The following PUDP variants were observed in gnomAD, a reference collection of about 807,000 sequenced individuals.
The protein encoded by PUDP is pseudouridine 5'-phosphatase.
A neutral mutation model predicts 9.4 loss-of-function variants in PUDP; 8 were observed. That is an observed-to-expected ratio of 0.85 (90% CI 0.50 to 1.53). The LOEUF is 1.53. Ranked by LOEUF, PUDP falls within the 40% of genes most tolerant of loss-of-function variation. The pLI is 0.00. For missense variants in PUDP, 188 were observed against 189.7 expected, an observed-to-expected ratio of 0.99 and a Z score of 0.05; for synonymous variants, 99 against 80.7, an observed-to-expected ratio of 1.23 and a Z score of -1.22.
At chrX:6,751,677 T>C (rs1925087486) in intron 3 of PUDP, among the ~76,000 whole-genome samples, 1 of 111,650 alleles carries the variant, frequency 9.0e-6, no homozygotes, top group African/African-American at 3.3e-5. Context: ...GTCAGAAATA[T>C]AAAACTCATT....
At chrX:7,034,201 GC>G (rs774509934) in intron 1 of PUDP, among the ~76,000 whole-genome samples, 70 of 112,247 alleles carry the variant, frequency 6.2e-4, no homozygotes, top group East Asian at 4.2e-3. Flanking sequence ...CAGGGCACCA[GC>G]CCTACCTTGG....
chrX:7,111,944 G>C (rs770986463), intron 1 of PUDP, among the ~76,000 whole-genome samples: 35 of 109,292 alleles, frequency 3.2e-4, no homozygotes, highest in Non-Finnish European at 5.5e-4. Context: ...AGAGCAAACA[G>C]CTATTGAACT....
At chrX:7,123,164 TG>T (rs1391143561) in intron 1 of PUDP, among the ~76,000 whole-genome samples, 1 of 112,559 alleles carries the variant, frequency 8.9e-6, no homozygotes, top group Non-Finnish European at 1.9e-5. Flanking sequence ...TTTTGCCCCT[TG>T]GGAGATATTA....
chrX:6,817,236 C>A (rs1246188157), intron 3 of PUDP, among the ~76,000 whole-genome samples: 1 of 108,734 alleles, frequency 9.2e-6, no homozygotes, highest in Non-Finnish European at 1.9e-5. Flanking sequence ...GCCACCATGC[C>A]CAGATAATTT....
In PUDP at chrX:7,105,482, G is replaced by GC. The variant is rs1299403138; in HGVS notation, c.280+137dup. The GC allele has an allele frequency of 9.2e-6, 4 of 436,564 alleles. No individual in the cohort carries two copies. The African/African-American group carries it at 1.0e-4, about 11-fold the overall frequency. 36.0% of individuals were successfully genotyped at this position (436,564 alleles called of 1,213,427 possible). A position where few individuals can be genotyped will look rare whatever the true frequency, so the allele number is the denominator to read the frequency against. On this transcript the variant is annotated intron_variant, in intron 2 of 3. Transcript: ENST00000381077. ...CAGCATCAGCCAAACTCTTTCAGGA[G>GC]CACCAGGAGGGACTTAGTTTAGATA...
intron 1 of PUDP, among the ~76,000 whole-genome samples, chrX:7,016,494 T>TC (rs1929550756): frequency 9.0e-6 from 1 of 110,939 alleles, no homozygotes; most frequent in African/African-American, 3.3e-5. Flanking sequence ...TAAGATAAAG[T>TC]CCTCCCCACC....
intron 3 of PUDP, among the ~76,000 whole-genome samples, chrX:6,825,418 G>A (rs1269724752): frequency 3.6e-5 from 4 of 111,330 alleles, no homozygotes; most frequent in Non-Finnish European, 3.8e-5. Context: ...TCTCTGCTCC[G>A]GGCCCTTGCA....
intron 3 of PUDP, among the ~76,000 whole-genome samples, chrX:6,962,630 A>C (rs1470155974): frequency 2.7e-5 from 3 of 112,562 alleles, no homozygotes; most frequent in African/African-American, 9.7e-5. Context: ...AGTTTCCTTT[A>C]TGTGCAAAGA....
intron 2 of PUDP, among the ~76,000 whole-genome samples, chrX:7,104,469 G>A (rs1419909357): frequency 8.9e-6 from 1 of 111,837 alleles, no homozygotes; most frequent in Non-Finnish European, 1.9e-5. Flanking sequence ...AGTTCTGGAG[G>A]TCAATTGTAT....
intron 3 of PUDP, among the ~76,000 whole-genome samples, chrX:6,813,294 C>G (rs1926174533): frequency 9.0e-6 from 1 of 111,563 alleles, no homozygotes; most frequent in Non-Finnish European, 1.9e-5. Flanking sequence ...TAAACACAAA[C>G]AATACACGGG....
intron 3 of PUDP, among the ~76,000 whole-genome samples, chrX:6,772,515 A>G (rs146735524): frequency 9.1e-6 from 1 of 110,034 alleles, no homozygotes; most frequent in Non-Finnish European, 1.9e-5. Flanking sequence ...GTCCCCATCT[A>G]CCTAACTTTT....
chrX:6,715,114 A>G (rs1924585452), intron 1 of PUDP, among the ~76,000 whole-genome samples: 1 of 110,988 alleles, frequency 9.0e-6, no homozygotes, highest in Non-Finnish European at 1.9e-5. Flanking sequence ...TATTTTTATA[A>G]AAATATTTTT....
At chrX:7,017,908 T>C (rs777467007) in intron 1 of PUDP, among the ~76,000 whole-genome samples, 1 of 111,501 alleles carries the variant, frequency 9.0e-6, no homozygotes, top group Non-Finnish European at 1.9e-5. Context: ...ATACAGGTCA[T>C]AAAGACCTTG....
chrX:7,018,182 G>A (rs983394565), intron 1 of PUDP, among the ~76,000 whole-genome samples: 12 of 111,851 alleles, frequency 1.1e-4, no homozygotes, highest in African/African-American at 3.9e-4. Flanking sequence ...CTATGGAGTA[G>A]CCATTCTTTT....
chrX:6,853,445 T>TTGTG (rs34299629), intron 3 of PUDP, among the ~76,000 whole-genome samples: 1 of 67,432 alleles, frequency 1.5e-5, no homozygotes, highest in South Asian at 7.0e-4. Context: ...TTCCCCCCTT[T>TTGTG]TGTGTGTGTT....
At chrX:6,750,697 C>T (rs1041571328) in intron 3 of PUDP, among the ~76,000 whole-genome samples, 1 of 111,655 alleles carries the variant, frequency 9.0e-6, no homozygotes, top group Non-Finnish European at 1.9e-5. Context: ...ATAAGATGCA[C>T]TATCGGCTTC....
chrX:7,077,847 C>CT (rs1005453167), intron 2 of PUDP, among the ~76,000 whole-genome samples: 7 of 112,010 alleles, frequency 6.2e-5, no homozygotes, highest in Middle Eastern at 4.7e-3. Flanking sequence ...CTGAACCATA[C>CT]TTTTTTTTCC....
intron 3 of PUDP, among the ~76,000 whole-genome samples, chrX:6,971,578 G>A (rs1334755965): frequency 3.4e-5 from 3 of 87,587 alleles, no homozygotes; most frequent in South Asian, 5.0e-4. Flanking sequence ...CACCACGCCC[G>A]GCTAATTTTT....
intron 3 of PUDP, among the ~76,000 whole-genome samples, chrX:6,917,372 T>A (rs868660048): frequency 3.1e-5 from 3 of 98,176 alleles, no homozygotes; most frequent in African/African-American, 3.7e-5. Context: ...AACTCAAAAT[T>A]AAAAAAAAAA....
Sources: allele counts gnomAD v4.1 joint callset (sites outside exome capture counted in the v4.1 genomes callset), GRCh38; gene constraint gnomAD v4.1.1; transcripts MANE v1.5; gene names NCBI Gene and HGNC (gene_info 2026-07-23, HGNC 2026-07-21).